The following ATG3 variants were observed in gnomAD, a reference collection of about 807,000 sequenced individuals.
ATG3 encodes autophagy related 3, also known as ubiquitin-like-conjugating enzyme ATG3.
In ATG3, 25 loss-of-function variants were observed where a neutral mutation model predicts 50.7. That is an observed-to-expected ratio of 0.49 (90% CI 0.36 to 0.69). The LOEUF (loss-of-function observed/expected upper bound fraction) is 0.69. ATG3 is among the 30% of genes least tolerant of loss of function. The pLI, the probability that ATG3 is intolerant of heterozygous loss-of-function variation, is 0.00. For missense variants in ATG3, 281 were observed against 376.0 expected, an observed-to-expected ratio of 0.75 and a Z score of 2.09; for synonymous variants, 119 against 125.5, an observed-to-expected ratio of 0.95 and a Z score of 0.34.
chr3:112,534,060 A>G, intron 11 of ATG3: 1 of 1,271,414 alleles, frequency 7.9e-7, no homozygotes, highest in Non-Finnish European at 9.9e-7. Context: ...AGCTACTGCT[A>G]CACATGGGGA....
intron 7 of ATG3, chr3:112,538,402 TAG>T (rs1481915351): frequency 2.1e-6 from 1 of 478,106 alleles, no homozygotes; most frequent in East Asian, 3.7e-5. Flanking sequence ...AATAATACTG[TAG>T]AGTCCTCAGT....
chr3:112,534,159 GAAGTTAAAAC>G (rs1279445566), intron 11 of ATG3, 100 bp downstream of exon 11: 8 of 1,478,294 alleles, frequency 5.4e-6, no homozygotes, highest in Non-Finnish European at 7.2e-6. Context: ...TTTCAGATGA[GAAGTTAAAAC>G]AAGTTATAGC....
chr3:112,560,379 G>A (rs896178805), intron 1 of ATG3, among the ~76,000 whole-genome samples: 1 of 152,154 alleles, frequency 6.6e-6, no homozygotes, highest in Admixed American at 6.5e-5. Flanking sequence ...ATTTATAATC[G>A]CTGGTTTATT....
intron 5 of ATG3, among the ~76,000 whole-genome samples, chr3:112,547,159 G>T (rs1333363225): frequency 1.3e-5 from 2 of 152,170 alleles, no homozygotes; most frequent in Non-Finnish European, 2.9e-5. Flanking sequence ...AGGCATTTTT[G>T]GTTGTTAAAA....
At chr3:112,545,558 T>C (rs1416274771) in intron 5 of ATG3, among the ~76,000 whole-genome samples, 3 of 152,228 alleles carry the variant, frequency 2.0e-5, no homozygotes, top group Non-Finnish European at 4.4e-5. Context: ...AGCACAAAGC[T>C]TTTACTTCAG....
At chr3:112,556,455 C>A (rs1459007767) in intron 2 of ATG3, among the ~76,000 whole-genome samples, 28 of 152,098 alleles carry the variant, frequency 1.8e-4, no homozygotes, top group African/African-American at 6.8e-4. Context: ...GTGAGGGGCA[C>A]CTCTGCCCGG....
At chr3:112,537,968 A>G (rs1933118601) in intron 8 of ATG3, 78 bp from the exon 9 acceptor site, 2 of 1,397,996 alleles carry the variant, frequency 1.4e-6, no homozygotes. Context: ...TATTTTTTCC[A>G]TTCTATATTT....
At position 112,536,502 on chromosome 3, in the gene ATG3, G is replaced by A; in HGVS notation, c.767C>T (p.Pro256Leu). Residue 256 changes from proline (P) to leucine (L), a missense_variant, in exon 10 of 12, where the codon CCT becomes CTT. This residue lies in a region of ATG3 where 242 missense variants were observed against 305.0 expected (regional missense o/e 0.79). Coordinates refer to ENST00000283290, the MANE Select transcript of ATG3 (RefSeq NM_022488.5). The stretch of plus-strand genomic sequence containing the variant: ...GCATGGGTGAACTGAACACATGGGA[G>A]GTGGTGGCAGATGAGGGTGATTTTC... ...TIENHPHLPP[P>L]PMCSVHPCRH... The A allele has an allele frequency of 6.2e-7, 1 of 1,613,808 alleles. No homozygotes were observed. Among genetic ancestry groups the A allele is most frequent in the Non-Finnish European group, 8.5e-7 (1 of 1,179,732 alleles).
At chr3:112,549,669 C>T (rs1313704968) in intron 4 of ATG3, among the ~76,000 whole-genome samples, 6 of 151,814 alleles carry the variant, frequency 4.0e-5, no homozygotes, top group African/African-American at 7.3e-5. Context: ...ATTAGCCGGG[C>T]GTGGTGGCAG....
At chr3:112,538,011 A>C (rs1441104839) in intron 8 of ATG3, 121 bp from the exon 9 acceptor site, 12 of 1,239,672 alleles carry the variant, frequency 9.7e-6, no homozygotes, top group Non-Finnish European at 1.2e-5. Flanking sequence ...CTTGGAACTC[A>C]AAGCTACGTT....
intron 1 of ATG3, 72 bp downstream of exon 1, chr3:112,561,385 C>T (rs1933870790): frequency 6.6e-7 from 1 of 1,510,564 alleles, no homozygotes; most frequent in South Asian, 1.1e-5. Flanking sequence ...AAAGCGGGGA[C>T]TCCTGCGGCG....
intron 5 of ATG3, among the ~76,000 whole-genome samples, chr3:112,545,102 T>C (rs1933338229): frequency 6.6e-6 from 1 of 152,224 alleles, no homozygotes; most frequent in Non-Finnish European, 1.5e-5. Context: ...GACTATCTTA[T>C]GAGGACGTTA....
chr3:112,536,239 C>T (rs1933040418), intron 10 of ATG3: 26 of 429,992 alleles, frequency 6.0e-5, no homozygotes, highest in Non-Finnish European at 8.8e-5. Flanking sequence ...CTATAAACAC[C>T]CACAGAGAAC....
intron 5 of ATG3, among the ~76,000 whole-genome samples, chr3:112,546,519 T>C (rs1217009497): frequency 6.6e-6 from 1 of 152,236 alleles, no homozygotes; most frequent in Admixed American, 6.5e-5. Context: ...TTTTGGACCA[T>C]GGTTGACTAC....
intron 1 of ATG3, among the ~76,000 whole-genome samples, chr3:112,560,887 G>A (rs1431519496): frequency 2.6e-5 from 4 of 152,112 alleles, no homozygotes; most frequent in Non-Finnish European, 5.9e-5. Flanking sequence ...TGAAAAGCTT[G>A]GGAAAAAGGT....
In ATG3 at chr3:112,561,686, G is replaced by T; in HGVS notation, c.-158C>A. 1 of 717,638 alleles carries T rather than the reference G, an allele frequency of 1.4e-6. No homozygotes were observed. The highest frequency in any genetic ancestry group is 2.2e-6 in the Non-Finnish European group (1 of 451,478). The allele number at this position is 717,638 out of a possible 1,614,324, so 44.5% of individuals were successfully genotyped here. A position where few individuals can be genotyped will look rare whatever the true frequency, so the allele number is the denominator to read the frequency against. On this transcript the variant is annotated 5_prime_UTR_variant, in exon 1 of 12. Transcript: ENST00000283290. ...GGACGCGACGCGACGGGACGGGCGG[G>T]ACGAGGGGGCGGGGCGGCAGGCACA...
In ATG3 at chr3:112,554,554, C is replaced by T. The variant is rs535724111; in HGVS notation, c.115-1225G>A. 3.3e-5 allele frequency among the ~76,000 whole-genome samples: 5 copies of T among 152,306 alleles called. No homozygotes were observed. The East Asian group carries it at 7.7e-4, about 23-fold the overall frequency. ...CTTTTCGGACTCAGCCCGCCTGCAC[C>T]CAGGTGAAATAAACAGCCTTGTTGC... On this transcript the variant is annotated intron_variant, in intron 2 of 11. Transcript: ENST00000283290.
rs1387145570 is a variant in ATG3 at position 112,561,656 on chromosome 3, GGACGGGACGCGACGC to G, written c.-143_-129del. 3.1e-6 allele frequency: 3 copies of G among 955,112 alleles called. No homozygotes were observed. Among genetic ancestry groups the G allele is most frequent in the African/African-American group, 3.4e-5 (2 of 59,220 alleles). 59.2% of individuals were successfully genotyped at this position (955,112 alleles called of 1,614,324 possible). ...AGCACCCGGCTGGCAGCACCCGAGGGGACGGGACGCGACGCGACGGGACGGGCGGGACGAGGGGGC... is the reference window on the plus strand; with the variant it reads ...AGCACCCGGCTGGCAGCACCCGAGGGGACGGGACGGGCGGGACGAGGGGGC... On this transcript the variant is annotated 5_prime_UTR_variant, in exon 1 of 12. Coordinates refer to ENST00000283290, the MANE Select transcript of ATG3 (RefSeq NM_022488.5).
intron 2 of ATG3, 65 bp downstream of exon 2, chr3:112,558,311 A>G: frequency 8.1e-7 from 1 of 1,234,148 alleles, no homozygotes; most frequent in Non-Finnish European, 1.1e-6. Flanking sequence ...CTTATGAAGC[A>G]GAAAAGCCAC....
Sources: allele counts gnomAD v4.1 joint callset (sites outside exome capture counted in the v4.1 genomes callset), GRCh38; gene constraint gnomAD v4.1.1; regional missense constraint gnomAD v4.1.1; transcripts MANE v1.5; gene names NCBI Gene and HGNC (gene_info 2026-07-23, HGNC 2026-07-21).